Variants in RPTOR observed in about 807,000 individuals in gnomAD.
The protein encoded by RPTOR is regulatory-associated protein of mTOR.
Under a neutral mutation model 169.9 loss-of-function variants are expected in RPTOR, and 21 were observed. The observed-to-expected ratio is 0.12, with a 90% CI of 0.09 to 0.18. RPTOR has a LOEUF of 0.18. RPTOR is among the 10% of genes least tolerant of loss of function. RPTOR has a pLI of 1.00. For missense variants in RPTOR, 1,133 were observed against 1,855.9 expected (o/e 0.61, Z 7.16); for synonymous variants, 732 against 753.2 (o/e 0.97, Z 0.46).
intron 27 of RPTOR, among the ~76,000 whole-genome samples, chr17:80,949,190 C>A (rs1464105991): frequency 1.3e-5 from 2 of 152,182 alleles, no homozygotes. Flanking sequence ...AGCTCTGTGG[C>A]CAGGGTGGGA....
intron 1 of RPTOR, among the ~76,000 whole-genome samples, chr17:80,587,353 G>T (rs1282683152): frequency 1.3e-5 from 2 of 152,376 alleles, no homozygotes; most frequent in East Asian, 3.9e-4. Context: ...GTTGCCGTGT[G>T]TAGCGGCGGT....
rs143924469 is a variant in RPTOR at position 80,909,412 on chromosome 17, A to G, written c.2520+483A>G. On this transcript the variant is annotated intron_variant, in intron 21 of 33. Transcript: ENST00000306801. The stretch of plus-strand genomic sequence containing the variant: ...TTTGTAAGACAGTCTCACTCTGTCC[A>G]GACTAGAATGCAGTGACCTGATCAC... 858 of 158,756 alleles carry G rather than the reference A, an allele frequency of 5.4e-3. 4 individuals are homozygous for G. Among genetic ancestry groups the G allele is most frequent in the East Asian group, 0.011 (57 of 5,418 alleles). The allele number at this position is 158,756 out of a possible 1,614,324, so 9.8% of individuals were successfully genotyped here.
chr17:80,561,695 G>C (rs557783806), intron 1 of RPTOR, among the ~76,000 whole-genome samples: 2 of 152,188 alleles, frequency 1.3e-5, no homozygotes, highest in Admixed American at 1.3e-4. Flanking sequence ...GCCTCCCAAA[G>C]TGCTAGGATT....
intron 6 of RPTOR, among the ~76,000 whole-genome samples, chr17:80,782,049 G>A (rs1224411743): frequency 2.0e-5 from 3 of 152,206 alleles, no homozygotes; most frequent in Non-Finnish European, 2.9e-5. Context: ...TGCGCGAGGC[G>A]GCCCTGGAGC....
At chr17:80,567,803 A>AAATAAAT (rs377197917) in intron 1 of RPTOR, among the ~76,000 whole-genome samples, 1 of 148,462 alleles carries the variant, frequency 6.7e-6, no homozygotes, top group Non-Finnish European at 1.5e-5. Context: ...AAAAATAAAT[A>AAATAAAT]AAATAAATAA....
intron 4 of RPTOR, among the ~76,000 whole-genome samples, chr17:80,718,087 G>A (rs1212250534): frequency 6.6e-6 from 1 of 152,058 alleles, no homozygotes; most frequent in Non-Finnish European, 1.5e-5. Context: ...TCCACCCTTT[G>A]CTGTGTACCT....
chr17:80,891,924 G>T, intron 18 of RPTOR, 87 bp downstream of exon 18: 1 of 856,862 alleles, frequency 1.2e-6, no homozygotes, highest in South Asian at 1.6e-5. Flanking sequence ...CACCCTCGCA[G>T]AGTCTAAGCG....
intron 21 of RPTOR, among the ~76,000 whole-genome samples, chr17:80,913,203 G>A (rs1237026532): frequency 2.6e-5 from 4 of 152,148 alleles, no homozygotes; most frequent in Non-Finnish European, 5.9e-5. Flanking sequence ...GCCTATTTTA[G>A]ATATTTAACT....
intron 5 of RPTOR, among the ~76,000 whole-genome samples, chr17:80,736,969 G>A (rs2066438670): frequency 6.6e-6 from 1 of 152,156 alleles, no homozygotes. Flanking sequence ...GCTTTCCCCT[G>A]TAATCTCATA....
At chr17:80,610,827 TATC>T (rs1171345908) in intron 1 of RPTOR, among the ~76,000 whole-genome samples, 3 of 152,350 alleles carry the variant, frequency 2.0e-5, no homozygotes, top group South Asian at 4.1e-4. Flanking sequence ...GTACTGAAGG[TATC>T]ATCATCTTAG....
intron 10 of RPTOR, among the ~76,000 whole-genome samples, chr17:80,838,206 AAC>A (rs1443770562): frequency 4.6e-5 from 7 of 152,222 alleles, no homozygotes; most frequent in African/African-American, 1.7e-4. Context: ...CAACTTTTAA[AAC>A]AGTCCTATCT....
chr17:80,924,992 G>T (rs1327400456), intron 23 of RPTOR, among the ~76,000 whole-genome samples: 1 of 152,246 alleles, frequency 6.6e-6, no homozygotes, highest in Non-Finnish European at 1.5e-5. Context: ...GTGTCACGGG[G>T]CCATCACAGG....
Position 80,724,312 on chromosome 17 carries a change from C to T in RPTOR, c.508-6248C>T, listed in dbSNP as rs1171321538. 2.0e-5 allele frequency among the ~76,000 whole-genome samples: 3 copies of T among 151,102 alleles called. 1 individual carries two copies. The highest frequency in any genetic ancestry group is 7.4e-5 in the African/African-American group (3 of 40,400). On this transcript the variant is annotated intron_variant, in intron 4 of 33. Transcript: ENST00000306801. ...GCCATGAGTGCCAGGATGGAAGGGT[C>T]AGGAGAGAGGAGACATGGCAACCCA...
chr17:80,851,726 C>T (rs986528224), intron 11 of RPTOR, among the ~76,000 whole-genome samples: 2 of 152,216 alleles, frequency 1.3e-5, no homozygotes, highest in Non-Finnish European at 2.9e-5. Context: ...ACCAGCGTCC[C>T]GCTTGCTTTT....
At chr17:80,928,716 T>A (rs1229644708) in intron 24 of RPTOR, among the ~76,000 whole-genome samples, 2 of 152,220 alleles carry the variant, frequency 1.3e-5, no homozygotes, top group Admixed American at 6.5e-5. Flanking sequence ...GTGTCTACAT[T>A]AGAAACCACA....
intron 33 of RPTOR, 129 bp from the exon 34 acceptor site, chr17:80,964,133 A>T: frequency 1.3e-6 from 1 of 777,748 alleles, no homozygotes; most frequent in Non-Finnish European, 2.2e-6. Context: ...TCCGGGCCTG[A>T]GGTGGGCGTG....
chr17:80,807,659 T>C (rs986629737), intron 7 of RPTOR, among the ~76,000 whole-genome samples: 37 of 147,354 alleles, frequency 2.5e-4, no homozygotes, highest in South Asian at 6.4e-4. Flanking sequence ...GCCAAGCCCC[T>C]TTTTTTTTTA....
At chr17:80,638,417 T>C (rs1210513033) in intron 2 of RPTOR, among the ~76,000 whole-genome samples, 4 of 148,236 alleles carry the variant, frequency 2.7e-5, no homozygotes, top group Middle Eastern at 3.5e-3. Flanking sequence ...CTTTCTTTTT[T>C]TTTTTTTTTT....
rs1234063611 is a variant in RPTOR at position 80,959,290 on chromosome 17, G to T, written c.3478-788G>T. On this transcript the variant is annotated intron_variant, in intron 29 of 33. Coordinates refer to ENST00000306801, the MANE Select transcript of RPTOR (RefSeq NM_020761.3). This position sits in a 1 kb window ranked among gnomAD's most constrained non-coding sequence, Gnocchi z 6.7. The stretch of plus-strand genomic sequence containing the variant: ...GACGTAGCCCTCAGGGCACAGCGTG[G>T]ACACCCTGATCCTCAGGGTCTGGTC... Among the ~76,000 whole-genome samples, 1 of 152,192 alleles carries T rather than the reference G, an allele frequency of 6.6e-6. No homozygotes were observed. Among genetic ancestry groups the T allele is most frequent in the Admixed American group, 6.5e-5 (1 of 15,282 alleles).
Sources: gnomAD v4.1 joint callset for allele counts (sites outside exome capture counted in the v4.1 genomes callset) on GRCh38, gnomAD v4.1.1 for gene constraint, Gnocchi (gnomAD v3.1) non-coding constraint, MANE v1.5 for transcripts, NCBI Gene and HGNC (gene_info 2026-07-23, HGNC 2026-07-21) for gene names.